The following SYTL3 variants were observed in gnomAD, a reference collection of about 807,000 sequenced individuals.
The protein encoded by SYTL3 is synaptotagmin-like protein 3.
In SYTL3, 88 loss-of-function variants were observed where a neutral mutation model predicts 82.1. That is an observed-to-expected ratio of 1.07 (90% CI 0.90 to 1.28). The LOEUF is 1.28. Ranked by LOEUF, SYTL3 falls within the 50% of genes most tolerant of loss-of-function variation. The pLI, the probability that SYTL3 is intolerant of heterozygous loss-of-function variation, is 0.00. For missense variants in SYTL3, 831 were observed against 757.6 expected, an observed-to-expected ratio of 1.10 and a Z score of -1.14; for synonymous variants, 311 against 289.4, an observed-to-expected ratio of 1.07 and a Z score of -0.76.
intron 5 of SYTL3, among the ~76,000 whole-genome samples, chr6:158,675,882 G>A (rs748823084): frequency 1.3e-5 from 2 of 152,228 alleles, no homozygotes; most frequent in South Asian, 2.1e-4. Context: ...CCCGGGAGGC[G>A]GAGCTTGCAA....
intron 17 of SYTL3, among the ~76,000 whole-genome samples, chr6:158,764,279 G>C (rs1033000048): frequency 6.6e-6 from 1 of 152,202 alleles, no homozygotes; most frequent in Non-Finnish European, 1.5e-5. Context: ...CAGGCTGTTA[G>C]AGCCTCGCAG....
intron 12 of SYTL3, among the ~76,000 whole-genome samples, chr6:158,745,970 C>T (rs1343340732): frequency 6.6e-6 from 1 of 152,056 alleles, no homozygotes; most frequent in Non-Finnish European, 1.5e-5. Flanking sequence ...GGCTTATAAA[C>T]AAGACAAATA....
At chr6:158,747,486 T>G (rs754149703) in intron 12 of SYTL3, among the ~76,000 whole-genome samples, 1 of 152,162 alleles carries the variant, frequency 6.6e-6, no homozygotes, top group Non-Finnish European at 1.5e-5. Context: ...CACTTCAGCC[T>G]CCTGAGTAGC....
At chr6:158,719,465 C>G (rs551311563) in intron 10 of SYTL3, among the ~76,000 whole-genome samples, 2 of 152,304 alleles carry the variant, frequency 1.3e-5, no homozygotes, top group Admixed American at 1.3e-4. Context: ...ACCGCAGATG[C>G]ATTTTTGGTG....
In SYTL3 at chr6:158,725,659, TTTTTTTGTTTTTTTG is replaced by T. The variant is rs754164092; in HGVS notation, c.855+38_855+52del. On this transcript the variant is annotated intron_variant, in intron 11 of 17. Coordinates refer to ENST00000611299, the MANE Select transcript of SYTL3 (RefSeq NM_001242394.2). ...ACACGTGAGTCTCATTCCAATGCTCTTTTTTTGTTTTTTTGTTTTTTGTTTTTTTGGAAAGCATAA... is the reference window on the plus strand; with the variant it reads ...ACACGTGAGTCTCATTCCAATGCTCTTTTTTTGTTTTTTTGGAAAGCATAA... The T allele has an allele frequency of 5.0e-5, 48 of 968,814 alleles. 1 individual carries two copies. Among genetic ancestry groups the T allele is most frequent in the African/African-American group, 3.7e-4 (24 of 64,936 alleles). 60.0% of individuals were successfully genotyped at this position (968,814 alleles called of 1,614,324 possible).
At chr6:158,720,270 G>A (rs528249910) in intron 10 of SYTL3, among the ~76,000 whole-genome samples, 96 of 151,900 alleles carry the variant, frequency 6.3e-4, no homozygotes, top group African/African-American at 2.2e-3. Context: ...GGCTCATGGC[G>A]GGTGCCTGTA....
At chr6:158,665,690 G>T in intron 5 of SYTL3, 77 bp downstream of exon 5, 1 of 1,116,362 alleles carries the variant, frequency 9.0e-7, no homozygotes, top group South Asian at 1.5e-5. Context: ...CGCTCATAAA[G>T]AGAGCACTCA....
chr6:158,726,683 G>T, intron 11 of SYTL3: 1 of 286,528 alleles, frequency 3.5e-6, no homozygotes, highest in South Asian at 4.9e-5. Flanking sequence ...CTGGCTGGAA[G>T]CCTTCGTTCA....
At position 158,710,487 on chromosome 6, in the gene SYTL3, C is replaced by T. The variant is rs553482512; in HGVS notation, c.516+2096C>T. Reference sequence around the variant, plus strand: ...ACATGTCAGAGTCATGGTGTGATGACGTACTTTGAAGCATGGAGTCAGTTT... The same window carrying T: ...ACATGTCAGAGTCATGGTGTGATGATGTACTTTGAAGCATGGAGTCAGTTT... On this transcript the variant is annotated intron_variant, in intron 8 of 17. Coordinates refer to ENST00000611299, the MANE Select transcript of SYTL3 (RefSeq NM_001242394.2). 1.1e-4 allele frequency among the ~76,000 whole-genome samples: 17 copies of T among 149,848 alleles called. No individual in the cohort carries two copies. In the South Asian group the frequency reaches 2.8e-3, roughly 24 times the overall value.
At chr6:158,764,387 GT>G in intron 17 of SYTL3, 107 bp from the exon 18 acceptor site, 1 of 765,628 alleles carries the variant, frequency 1.3e-6, no homozygotes, top group Admixed American at 2.2e-5. Flanking sequence ...GCCTTTTAAT[GT>G]GGACTTGAGG....
chr6:158,676,271 C>T (rs1254165472), intron 5 of SYTL3, among the ~76,000 whole-genome samples: 1 of 152,156 alleles, frequency 6.6e-6, no homozygotes, highest in African/African-American at 2.4e-5. Flanking sequence ...ACTATCTGAT[C>T]TTTGACAAAC....
chr6:158,750,883 T>G (rs1235347395), intron 12 of SYTL3, among the ~76,000 whole-genome samples: 8 of 152,074 alleles, frequency 5.3e-5, no homozygotes, highest in Non-Finnish European at 8.8e-5. Flanking sequence ...GCAACCTCCA[T>G]CTCCCAGGTA....
At chr6:158,754,144 C>G (rs1417732962) in intron 13 of SYTL3, among the ~76,000 whole-genome samples, 1 of 152,108 alleles carries the variant, frequency 6.6e-6, no homozygotes, top group Non-Finnish European at 1.5e-5. Flanking sequence ...CTGTCTCCAG[C>G]CAGTTTTGAG....
In SYTL3 at chr6:158,764,528, C is replaced by T. The variant is rs1379618202; in HGVS notation, c.1757C>T (p.Ser586Leu). 1 of 1,614,056 alleles carries T rather than the reference C, an allele frequency of 6.2e-7. No individual in the cohort carries two copies. Residue 586 changes from serine to leucine, a missense_variant, in exon 18 of 18, where the codon TCA (serine) becomes TTA (leucine). Physicochemically the swap from Ser to Leu is moderately radical, Grantham distance 145. Coordinates refer to ENST00000611299, the MANE Select transcript of SYTL3 (RefSeq NM_001242394.2). ...ACAGCTGTTGGCGGGGATGCATGCT[C>T]ACTATCGAAGCTCCAGTGGCAGAAA... ...GDTAVGGDAC[S>L]LSKLQWQKVL...
At chr6:158,763,621 C>T in intron 17 of SYTL3, 112 bp downstream of exon 17, 1 of 890,028 alleles carries the variant, frequency 1.1e-6, no homozygotes, top group South Asian at 1.6e-5. Context: ...TTGAAATTGC[C>T]TAGCCTGCCT....
chr6:158,670,406 G>A (rs530306553), intron 5 of SYTL3, among the ~76,000 whole-genome samples: 1 of 152,320 alleles, frequency 6.6e-6, no homozygotes, highest in East Asian at 1.9e-4. Context: ...TTTTAGCCTG[G>A]TGCCAAGGTT....
intron 6 of SYTL3, among the ~76,000 whole-genome samples, chr6:158,700,493 G>A (rs773894784): frequency 6.6e-6 from 1 of 152,106 alleles, no homozygotes; most frequent in Non-Finnish European, 1.5e-5. Flanking sequence ...GAAATTACAT[G>A]TAAGCTAAAT....
At chr6:158,764,386 T>C (rs1252556499) in intron 17 of SYTL3, 109 bp from the exon 18 acceptor site, 3 of 757,052 alleles carry the variant, frequency 4.0e-6, no homozygotes, top group Middle Eastern at 3.8e-4. Flanking sequence ...GGCCTTTTAA[T>C]GTGGACTTGA....
chr6:158,703,452 T>C (rs907309095), intron 6 of SYTL3, among the ~76,000 whole-genome samples: 1 of 152,198 alleles, frequency 6.6e-6, no homozygotes, highest in African/African-American at 2.4e-5. Context: ...TCACAGCTCC[T>C]TGCGCGAATA....
Sources: gnomAD v4.1 joint callset for allele counts (sites outside exome capture counted in the v4.1 genomes callset) on GRCh38, gnomAD v4.1.1 for gene constraint, MANE v1.5 for transcripts, NCBI Gene and HGNC (gene_info 2026-07-23, HGNC 2026-07-21) for gene names.